The following OR4K13 variants were observed in gnomAD, a reference collection of about 807,000 sequenced individuals.
The protein encoded by OR4K13 is olfactory receptor 4K13.
For synonymous variants in OR4K13, 160 were observed against 134.8 expected, an observed-to-expected ratio of 1.19 and a Z score of -1.30; for missense variants, 403 against 366.0, an observed-to-expected ratio of 1.10 and a Z score of -0.82.
rs116485278 is a variant in OR4K13 at position 20,034,455 on chromosome 14, A to T, written c.304T>A (p.Phe102Ile). ...CTCCCACCCAGGAGGTGCATAAAGA[A>T]CATCTGGGAATAACATCCCCACCAT... ...ISWWGCYSQMFFMHLLGGSEM... is the reference protein window; with the variant it reads ...ISWWGCYSQMIFMHLLGGSEM... Residue 102 changes from phenylalanine (F) to isoleucine (I), a missense_variant, in exon 2 of 2, where the codon TTC becomes ATC. Coordinates refer to ENST00000641904, the MANE Select transcript of OR4K13 (RefSeq NM_001004714.2). The T allele has an allele frequency of 6.0e-4, 974 of 1,613,940 alleles. 6 individuals carry two copies. In the African/African-American group the frequency reaches 0.011, roughly 19 times the overall value.
chr14:20,034,804 G>T lies in OR4K13; in HGVS notation c.-46C>A. The T allele has an allele frequency of 1.4e-6, 2 of 1,455,620 alleles. No homozygotes were observed. Among genetic ancestry groups the T allele is most frequent in the South Asian group, 1.3e-5 (1 of 76,990 alleles). The allele number at this position is 1,455,620 out of a possible 1,614,324, so 90.2% of individuals were successfully genotyped here. On this transcript the variant is annotated 5_prime_UTR_variant, in exon 2 of 2. Transcript: ENST00000641904. Reference sequence around the variant, plus strand: ...ATGATCAAAATAAGTGAGAATAAGGGGTAGGGAAATGATGCATATTGGAAA... The same window carrying T: ...ATGATCAAAATAAGTGAGAATAAGGTGTAGGGAAATGATGCATATTGGAAA...
intron 1 of OR4K13, 107 bp downstream of exon 1, chr14:20,035,831 A>T (rs1201425556): frequency 4.6e-5 from 7 of 152,186 alleles, no homozygotes; most frequent in Admixed American, 6.6e-5. Flanking sequence ...TTCAGCTTTT[A>T]AAAAAATTGC....
rs1472896910 is a variant in OR4K13 at position 20,033,964 on chromosome 14, G to A, written c.795C>T (p.Tyr265=). ...ACACAGAAAGAATTTTATCTACCGA[G>A]TATCTGCTGAAGGGCCAGACGTAGA... is the stretch of plus-strand genomic sequence containing the variant. The part of the protein sequence containing the change: ...VFIYVWPFSR[Y]SVDKILSVFY... Residue 265 remains tyrosine, a synonymous_variant, in exon 2 of 2, where the codon TAC becomes TAT. Coordinates refer to ENST00000641904, the MANE Select transcript of OR4K13 (RefSeq NM_001004714.2). 3 of 1,612,744 alleles carry A rather than the reference G, an allele frequency of 1.9e-6. No individual in the cohort carries two copies. Among genetic ancestry groups the A allele is most frequent in the South Asian group, 1.1e-5 (1 of 91,060 alleles).
At position 20,030,316 on chromosome 14, in the gene OR4K13, G is replaced by A. The variant is rs1438834053; in HGVS notation, c.*3528C>T. ...AACATCTCCAGTACCTCATAAATAT[G>A]TGCAACTATTATATATTCATAATAA... On this transcript the variant is annotated 3_prime_UTR_variant, in exon 2 of 2. Coordinates refer to ENST00000641904, the MANE Select transcript of OR4K13 (RefSeq NM_001004714.2). 6.8e-6 allele frequency: 1 copy of A among 147,168 alleles called. No homozygotes were observed. Among genetic ancestry groups the A allele is most frequent in the Non-Finnish European group, 1.5e-5 (1 of 66,050 alleles). 9.1% of individuals were successfully genotyped at this position (147,168 alleles called of 1,614,324 possible).
chr14:20,035,363 C>G (rs920124799), intron 1 of OR4K13, among the ~76,000 whole-genome samples: 12 of 151,780 alleles, frequency 7.9e-5, no homozygotes, highest in African/African-American at 2.9e-4. Flanking sequence ...CTTATTTCCT[C>G]CATGCTCCAT....
rs1877441215 is a variant in OR4K13 at position 20,032,331 on chromosome 14, T to C, written c.*1513A>G. The C allele has an allele frequency of 6.6e-6, 1 of 152,202 alleles. No homozygotes were observed. Among genetic ancestry groups the C allele is most frequent in the Non-Finnish European group, 1.5e-5 (1 of 68,030 alleles). The allele number at this position is 152,202 out of a possible 1,614,324, so 9.4% of individuals were successfully genotyped here. On this transcript the variant is annotated 3_prime_UTR_variant, in exon 2 of 2. Coordinates refer to ENST00000641904, the MANE Select transcript of OR4K13 (RefSeq NM_001004714.2). ...AAAGTTTGAAAATGCATTTTGAGGC[T>C]GGGATCCTTGGTCACAATAATTCAA... is the stretch of plus-strand genomic sequence containing the variant.
chr14:20,031,499 C>T lies in OR4K13; in HGVS notation c.*2345G>A, dbSNP rs1340591211. 6.6e-6 allele frequency: 1 copy of T among 152,082 alleles called. No homozygotes were observed. Among genetic ancestry groups the T allele is most frequent in the Non-Finnish European group, 1.5e-5 (1 of 68,012 alleles). The allele number at this position is 152,082 out of a possible 1,614,324, so 9.4% of individuals were successfully genotyped here. ...GGGAAAAATATTGAGTAGTTAGTAG[C>T]TTTCTCTGGCATAAGAAATACATAA... On this transcript the variant is annotated 3_prime_UTR_variant, in exon 2 of 2. Transcript: ENST00000641904.
Position 20,030,481 on chromosome 14 carries a change from T to C in OR4K13, c.*3363A>G, listed in dbSNP as rs1161270530. The C allele has an allele frequency of 1.3e-5, 2 of 152,330 alleles. No individual in the cohort carries two copies. The highest frequency in any genetic ancestry group is 1.9e-4 in the East Asian group (1 of 5,186). The allele number at this position is 152,330 out of a possible 1,614,324, so 9.4% of individuals were successfully genotyped here. On this transcript the variant is annotated 3_prime_UTR_variant, in exon 2 of 2. Coordinates refer to ENST00000641904, the MANE Select transcript of OR4K13 (RefSeq NM_001004714.2). ...AACAAAAAGCTTAATATTTGTACTA[T>C]GAATTGATTGTAGGGTTCTCTGAAG...
rs1877439702 is a variant in OR4K13, at chr14:20,032,257, A to T, written c.*1587T>A. On this transcript the variant is annotated 3_prime_UTR_variant, in exon 2 of 2. Transcript: ENST00000641904. ...TGTACCTGGTGGGAAAGGGAGACAA[A>T]GTCTTACAACACAAGGCTACATTCT... 1 of 152,224 alleles carries T rather than the reference A, an allele frequency of 6.6e-6. No homozygotes were observed. The highest frequency in any genetic ancestry group is 2.4e-5 in the African/African-American group (1 of 41,458). 9.4% of individuals were successfully genotyped at this position (152,224 alleles called of 1,614,324 possible). A position where few individuals can be genotyped will look rare whatever the true frequency, so the allele number is the denominator to read the frequency against.
In OR4K13 at chr14:20,030,857, C is replaced by T. The variant is rs939642227; in HGVS notation, c.*2987G>A. The stretch of plus-strand genomic sequence containing the variant: ...CCAACATGCCCAAACCCTGTCTCTA[C>T]TAAAAATACAAAAATGAGCCAGGCG... On this transcript the variant is annotated 3_prime_UTR_variant, in exon 2 of 2. Transcript: ENST00000641904. 6.6e-6 allele frequency: 1 copy of T among 152,144 alleles called. No individual in the cohort carries two copies. The highest frequency in any genetic ancestry group is 1.5e-5 in the Non-Finnish European group (1 of 68,052). 9.4% of individuals were successfully genotyped at this position (152,144 alleles called of 1,614,324 possible).
In OR4K13 at chr14:20,033,791, A is replaced by G; in HGVS notation, c.*53T>C. On this transcript the variant is annotated 3_prime_UTR_variant, in exon 2 of 2. Transcript: ENST00000641904. ...AAAAACGAGTTTCTTAAATGTTCAA[A>G]CAAACAAGAGAGTGTCTCTTCAAAA... is the stretch of plus-strand genomic sequence containing the variant. 2 of 985,098 alleles carry G rather than the reference A, an allele frequency of 2.0e-6. No homozygotes were observed. The highest frequency in any genetic ancestry group is 3.0e-6 in the Non-Finnish European group (2 of 664,582). The allele number at this position is 985,098 out of a possible 1,614,324, so 61.0% of individuals were successfully genotyped here. A position where few individuals can be genotyped will look rare whatever the true frequency, so the allele number is the denominator to read the frequency against.
chr14:20,034,753 T>A lies in OR4K13; in HGVS notation c.6A>T (p.Glu2Asp). 6.2e-7 allele frequency: 1 copy of A among 1,601,258 alleles called. No individual in the cohort carries two copies. The highest frequency in any genetic ancestry group is 8.5e-7 in the Non-Finnish European group (1 of 1,174,724). Residue 2 changes from glutamate (E) to aspartate (D), a missense_variant, in exon 2 of 2, where the codon GAA becomes GAT. Coordinates refer to ENST00000641904, the MANE Select transcript of OR4K13 (RefSeq NM_001004714.2). Reference sequence around the variant, plus strand: ...CCGATACCACTGAATGGTTTGCTCTTTCCATATCGTCAACTTTATCCCATA... The same window carrying A: ...CCGATACCACTGAATGGTTTGCTCTATCCATATCGTCAACTTTATCCCATA... Reference protein sequence around the residue: MERANHSVVSEF... With the variant: MDRANHSVVSEF...
chr14:20,033,792 C>CA lies in OR4K13; in HGVS notation c.*51dup. On this transcript the variant is annotated 3_prime_UTR_variant, in exon 2 of 2. Coordinates refer to ENST00000641904, the MANE Select transcript of OR4K13 (RefSeq NM_001004714.2). ...AAAACGAGTTTCTTAAATGTTCAAA[C>CA]AAACAAGAGAGTGTCTCTTCAAAAG... 1.0e-6 allele frequency: 1 copy of CA among 999,170 alleles called. No individual in the cohort carries two copies. Among genetic ancestry groups the CA allele is most frequent in the Non-Finnish European group, 1.5e-6 (1 of 677,526 alleles). 61.9% of individuals were successfully genotyped at this position (999,170 alleles called of 1,614,324 possible). A position where few individuals can be genotyped will look rare whatever the true frequency, so the allele number is the denominator to read the frequency against.
Position 20,031,524 on chromosome 14 carries a change from ATAG to A in OR4K13, c.*2317_*2319del, listed in dbSNP as rs1877418021. On this transcript the variant is annotated 3_prime_UTR_variant, in exon 2 of 2. Transcript: ENST00000641904. ...CTTTCTCTGGCATAAGAAATACATA[ATAG>A]TAGTTGGTAGCTTTTTTCTTGACAT... 5 of 152,190 alleles carry A rather than the reference ATAG, an allele frequency of 3.3e-5. No individual in the cohort carries two copies. The highest frequency in any genetic ancestry group is 3.3e-4 in the Admixed American group (5 of 15,276). The allele number at this position is 152,190 out of a possible 1,614,324, so 9.4% of individuals were successfully genotyped here.
Position 20,030,146 on chromosome 14 carries a change from G to A in OR4K13, c.*3698C>T, listed in dbSNP as rs1036117655. ...AAGGACAGGAAATGGGAAGGAGGAG[G>A]TGACTACTGTGGGGGACAGGAGCAT... On this transcript the variant is annotated 3_prime_UTR_variant, in exon 2 of 2. Transcript: ENST00000641904. 10 of 152,012 alleles carry A rather than the reference G, an allele frequency of 6.6e-5. No homozygotes were observed. Among genetic ancestry groups the A allele is most frequent in the Admixed American group, 3.9e-4 (6 of 15,268 alleles). The allele number at this position is 152,012 out of a possible 1,614,324, so 9.4% of individuals were successfully genotyped here.
Position 20,032,162 on chromosome 14 carries a change from G to A in OR4K13, c.*1682C>T, listed in dbSNP as rs1167924788. The A allele has an allele frequency of 6.6e-6, 1 of 152,146 alleles. No individual in the cohort carries two copies. Among genetic ancestry groups the A allele is most frequent in the African/African-American group, 2.4e-5 (1 of 41,430 alleles). The allele number at this position is 152,146 out of a possible 1,614,324, so 9.4% of individuals were successfully genotyped here. A position where few individuals can be genotyped will look rare whatever the true frequency, so the allele number is the denominator to read the frequency against. ...TTCTGCAGCCAGGTTTCCCTGCCTT[G>A]TTTGTTTCAAAATCGGCCCCTAGGA... On this transcript the variant is annotated 3_prime_UTR_variant, in exon 2 of 2. Coordinates refer to ENST00000641904, the MANE Select transcript of OR4K13 (RefSeq NM_001004714.2).
rs1379364202 is a variant in OR4K13, at chr14:20,033,938, AAC to A, written c.819_820del (p.Phe274LeufsTer25). ...TAAGAGAGGTGTGAAAATTGTGTAAAACACAGAAAGAATTTTATCTACCGAGT... is the reference window on the plus strand; with the variant it reads ...TAAGAGAGGTGTGAAAATTGTGTAAAACAGAAAGAATTTTATCTACCGAGT... On this transcript the variant is annotated frameshift_variant, in exon 2 of 2. Coordinates refer to ENST00000641904, the MANE Select transcript of OR4K13 (RefSeq NM_001004714.2). LOFTEE classifies it low-confidence loss of function (END_TRUNC). The A allele has an allele frequency of 5.0e-6, 8 of 1,610,874 alleles. No homozygotes were observed. In the East Asian group the frequency reaches 1.8e-4, roughly 36 times the overall value.
At position 20,032,490 on chromosome 14, in the gene OR4K13, C is replaced by A. The variant is rs758403761; in HGVS notation, c.*1354G>T. The A allele has an allele frequency of 2.0e-5, 3 of 152,170 alleles. No individual in the cohort carries two copies. The highest frequency in any genetic ancestry group is 4.4e-5 in the Non-Finnish European group (3 of 68,014). 9.4% of individuals were successfully genotyped at this position (152,170 alleles called of 1,614,324 possible). On this transcript the variant is annotated 3_prime_UTR_variant, in exon 2 of 2. Coordinates refer to ENST00000641904, the MANE Select transcript of OR4K13 (RefSeq NM_001004714.2). ...AGAGACCTAGTACTCAATGTTTTATCTTCTGTCTCTGGAATGGCTTTTCTG... is the reference window on the plus strand; with the variant it reads ...AGAGACCTAGTACTCAATGTTTTATATTCTGTCTCTGGAATGGCTTTTCTG...
chr14:20,035,026 A>G (rs1877533880), intron 1 of OR4K13, 45 bp from the exon 2 acceptor site: 2 of 360,182 alleles, frequency 5.6e-6, no homozygotes, highest in South Asian at 8.2e-5. Context: ...GAAACCACAA[A>G]ACTATAGGTC....
Sources: gnomAD v4.1 joint callset for allele counts (sites outside exome capture counted in the v4.1 genomes callset) on GRCh38, gnomAD v4.1.1 for gene constraint, MANE v1.5 for transcripts, NCBI Gene and HGNC (gene_info 2026-07-23, HGNC 2026-07-21) for gene names.